The following PDE4DIP variants were observed in gnomAD, a reference collection of about 807,000 sequenced individuals.
PDE4DIP encodes phosphodiesterase 4D interacting protein.
A neutral mutation model predicts 221.4 loss-of-function variants in PDE4DIP; 59 were observed. That is an observed-to-expected ratio of 0.27 (90% confidence interval 0.22 to 0.33). PDE4DIP has a LOEUF of 0.33. Ranked by LOEUF, PDE4DIP falls within the 10% of genes least tolerant of loss-of-function variation. The pLI is 1.00. For synonymous variants in PDE4DIP, 404 were observed against 815.9 expected (o/e 0.50, Z 8.60); for missense variants, 1,036 against 2,154.2 (o/e 0.48, Z 10.28).
intron 5 of PDE4DIP, among the ~76,000 whole-genome samples, chr1:148,947,968 A>T (rs1319587052): frequency 3.3e-5 from 5 of 151,612 alleles, no homozygotes; most frequent in Non-Finnish European, 5.9e-5. Flanking sequence ...TTATTGTGTC[A>T]GAAACTCAAG....
chr1:149,022,393 T>G (rs1413481272), intron 37 of PDE4DIP, among the ~76,000 whole-genome samples: 1 of 150,588 alleles, frequency 6.6e-6, no homozygotes, highest in Non-Finnish European at 1.5e-5. Context: ...GCTTCGGATA[T>G]TTGAAGAAGT....
At chr1:148,906,994 T>G (rs1778578) in intron 1 of PDE4DIP, among the ~76,000 whole-genome samples, 2 of 151,410 alleles carry the variant, frequency 1.3e-5, no homozygotes, top group African/African-American at 4.9e-5. Flanking sequence ...GGTTGCAGTG[T>G]GCCAAGATCG....
At chr1:148,993,682 C>CA in intron 22 of PDE4DIP, 2 of 1,065,684 alleles carry the variant, frequency 1.9e-6, no homozygotes, top group East Asian at 4.5e-5. Context: ...TCATGATAGA[C>CA]AAAGTATATG....
chr1:149,029,654 C>A (rs1207643003), intron 41 of PDE4DIP, 133 bp from the exon 45 acceptor site: 4 of 726,982 alleles, frequency 5.5e-6, no homozygotes, highest in Non-Finnish European at 9.1e-6. Context: ...GTATCCGAGG[C>A]TGTGAAGGAG....
intron 41 of PDE4DIP, among the ~76,000 whole-genome samples, 189 bp from the exon 45 acceptor site, chr1:149,029,598 A>G (rs1417089637): frequency 2.0e-5 from 3 of 152,044 alleles, no homozygotes; most frequent in African/African-American, 7.2e-5. Context: ...CCAGAGTCTC[A>G]TTATTCCTGC....
At chr1:148,986,810 C>T (rs1359469669) in intron 21 of PDE4DIP, among the ~76,000 whole-genome samples, 2 of 152,144 alleles carry the variant, frequency 1.3e-5, no homozygotes. Flanking sequence ...AGTGCTGTCT[C>T]TAAACATTCC....
At chr1:148,995,776 A>G (rs1444860472) in intron 22 of PDE4DIP, among the ~76,000 whole-genome samples, 2 of 151,902 alleles carry the variant, frequency 1.3e-5, no homozygotes, top group East Asian at 3.9e-4. Flanking sequence ...TCAGGCATTT[A>G]CATTTAAAAC....
intron 36 of PDE4DIP, chr1:149,020,675 A>T: frequency 2.7e-6 from 1 of 365,154 alleles, no homozygotes; most frequent in Non-Finnish European, 5.0e-6. Flanking sequence ...GGAAGCTTCT[A>T]TACTGGCTGT....
chr1:148,829,015 TAAAC>T (rs1326227693), intron 1 of PDE4DIP, among the ~76,000 whole-genome samples: 1 of 115,496 alleles, frequency 8.7e-6, no homozygotes, highest in Admixed American at 8.4e-5. Context: ...TATTCCTGCA[TAAAC>T]ACACACACAC....
intron 30 of PDE4DIP, 104 bp from the exon 34 acceptor site, chr1:149,010,339 C>T: frequency 1.1e-6 from 1 of 906,654 alleles, no homozygotes; most frequent in East Asian, 2.4e-5. Context: ...GGTTCTTTCC[C>T]TGAAAGCAAG....
At chr1:149,009,248 TG>T (rs2067865867) in intron 29 of PDE4DIP, among the ~76,000 whole-genome samples, 1 of 140,602 alleles carries the variant, frequency 7.1e-6, no homozygotes. Flanking sequence ...TTTTTATACT[TG>T]TCTTGTTGGA....
intron 4 of PDE4DIP, 136 bp from the exon 8 acceptor site, chr1:148,937,611 G>A: frequency 1.7e-6 from 1 of 586,966 alleles, no homozygotes; most frequent in Non-Finnish European, 3.0e-6. Flanking sequence ...CTAAACAAAT[G>A]TGTCAAAAGG....
Position 149,012,773 on chromosome 1 carries a change from G to A in PDE4DIP, c.5263G>A (p.Glu1755Lys). ...ACAGATGCTGCAGAAGCAGTTGGGA[G>A]AAAGTGAGCACTTCTGCATTTGTGT... The change falls in exon 32 of 44, where the codon GAA becomes AAA. Residue 1755 changes from glutamate (E) to lysine (K), a missense_variant. Transcript: ENST00000369354. The A allele has an allele frequency of 5.6e-6, 9 of 1,599,520 alleles. 1 individual carries two copies. The South Asian group carries it at 1.0e-4, about 18-fold the overall frequency.
chr1:148,823,482 T>C (rs1303395413), intron 1 of PDE4DIP, among the ~76,000 whole-genome samples: 1 of 149,848 alleles, frequency 6.7e-6, no homozygotes, highest in Non-Finnish European at 1.5e-5. Flanking sequence ...GGCACACGCA[T>C]TTACAGAATG....
chr1:148,990,157 G>T, intron 21 of PDE4DIP: 1 of 921,738 alleles, frequency 1.1e-6, no homozygotes, highest in African/African-American at 1.8e-5. Flanking sequence ...GATCAGCCTG[G>T]GCCATTGCAA....
chr1:148,985,055 T>A (rs1262348712), intron 21 of PDE4DIP: 3 of 152,144 alleles, frequency 2.0e-5, no homozygotes, highest in African/African-American at 7.2e-5. Context: ...ACACTTGAAG[T>A]GAGTTTTCCA....
Position 148,922,550 on chromosome 1 carries a change from C to CA in PDE4DIP, c.142-6640dup, listed in dbSNP as rs377461699. Among the ~76,000 whole-genome samples, 19 of 137,668 alleles carry CA rather than the reference C, an allele frequency of 1.4e-4. No homozygotes were observed. In the Middle Eastern group the frequency reaches 0.011, roughly 81 times the overall value. 90.3% of individuals were successfully genotyped at this position (137,668 alleles called of 152,430 possible). ...AGCCTGGGCGACAGAGCAAGACTGT[C>CA]AAAAAAACAAAAACAAAACAAAAAC... On this transcript the variant is annotated intron_variant, in intron 1 of 43. Transcript: ENST00000369354.
intron 22 of PDE4DIP, among the ~76,000 whole-genome samples, chr1:148,996,119 A>T (rs2064168112): frequency 6.6e-6 from 1 of 151,942 alleles, no homozygotes; most frequent in African/African-American, 2.4e-5. Context: ...TTTTCTTTTT[A>T]AAGAAAATAG....
chr1:148,961,881 T>C, exon 7 of PDE4DIP: 1 of 1,605,092 alleles, frequency 6.2e-7, no homozygotes, highest in Non-Finnish European at 8.5e-7. Context: ...AACTAAAGTG[T>C]GCTCAGGAGT....
Sources: allele counts gnomAD v4.1 joint callset (sites outside exome capture counted in the v4.1 genomes callset), GRCh38; gene constraint gnomAD v4.1.1; transcripts MANE v1.5; gene names NCBI Gene and HGNC (gene_info 2026-07-23, HGNC 2026-07-21).